SLC25A33: variants seen among roughly 807,000 people sequenced by gnomAD.
The protein encoded by SLC25A33 is solute carrier family 25 member 33, also known as bone marrow stromal cell mitochondrial carrier protein.
Under a neutral mutation model 35.5 loss-of-function variants are expected in SLC25A33, and 15 were observed. The ratio of observed to expected loss-of-function variants is 0.42; its 90% CI spans 0.28 to 0.65. The LOEUF (loss-of-function observed/expected upper bound fraction) is 0.65. Among genes scored for constraint, SLC25A33 ranks in the 30% least tolerant of loss-of-function variants. The probability of loss-of-function intolerance (pLI) is 0.20; values close to 1 mark genes in which losing one functional copy is unlikely to be tolerated. For synonymous variants in SLC25A33, 136 were observed against 148.7 expected (o/e 0.91, Z 0.62); for missense variants, 257 against 398.5 (o/e 0.64, Z 3.02).
At chr1:9,550,798 G>A (rs116173596) in intron 1 of SLC25A33, among the ~76,000 whole-genome samples, 3,122 of 151,814 alleles carry the variant, frequency 0.021, 103 homozygotes, top group African/African-American at 0.071. Context: ...TCAGCCTCTC[G>A]AGTATCGGGA....
chr1:9,579,623 C>G (rs1272633420), intron 5 of SLC25A33, among the ~76,000 whole-genome samples: 1 of 152,174 alleles, frequency 6.6e-6, no homozygotes, highest in Non-Finnish European at 1.5e-5. Context: ...CTCCCTGAAC[C>G]CTGTCCTCTT....
chr1:9,562,073 A>G (rs1471944347), intron 2 of SLC25A33, among the ~76,000 whole-genome samples: 2 of 148,806 alleles, frequency 1.3e-5, no homozygotes, highest in Admixed American at 1.4e-4. Context: ...AAGGGGCAAT[A>G]TTCGTGTTTC....
At chr1:9,567,391 G>C in intron 3 of SLC25A33, 30 bp downstream of exon 3, 1 of 1,597,620 alleles carries the variant, frequency 6.3e-7, no homozygotes. Flanking sequence ...GCTAGCTCAT[G>C]CTAAGCAGTA....
intron 2 of SLC25A33, among the ~76,000 whole-genome samples, chr1:9,564,558 T>C (rs1042234385): frequency 6.6e-6 from 1 of 151,568 alleles, no homozygotes; most frequent in Non-Finnish European, 1.5e-5. Context: ...AAATGTGGTA[T>C]ATACAGCAGT....
chr1:9,553,835 C>CT (rs1643303769), intron 2 of SLC25A33, 30 bp downstream of exon 2: 1 of 1,586,804 alleles, frequency 6.3e-7, no homozygotes. Context: ...CTCCTGCCAC[C>CT]TGCACACCCT....
At chr1:9,546,510 G>T (rs1643171702) in intron 1 of SLC25A33, among the ~76,000 whole-genome samples, 1 of 151,996 alleles carries the variant, frequency 6.6e-6, no homozygotes, top group South Asian at 2.1e-4. Flanking sequence ...CTGCACTTTG[G>T]CATCAGTGAC....
At chr1:9,569,131 G>C (rs998607861) in intron 3 of SLC25A33, among the ~76,000 whole-genome samples, 1 of 151,366 alleles carries the variant, frequency 6.6e-6, no homozygotes, top group African/African-American at 2.4e-5. Context: ...TGTAATCCCA[G>C]CTGCTCGGGA....
chr1:9,554,089 T>C (rs1437794923), intron 2 of SLC25A33, among the ~76,000 whole-genome samples: 1 of 152,216 alleles, frequency 6.6e-6, no homozygotes, highest in Non-Finnish European at 1.5e-5. Flanking sequence ...TTGCTCTTGC[T>C]CAAAGCTTTT....
At chr1:9,555,206 CT>C (rs1643323059) in intron 2 of SLC25A33, among the ~76,000 whole-genome samples, 1 of 149,812 alleles carries the variant, frequency 6.7e-6, no homozygotes, top group African/African-American at 2.5e-5. Flanking sequence ...CAAGCTCCGC[CT>C]CCTGGGTTCA....
intron 2 of SLC25A33, among the ~76,000 whole-genome samples, chr1:9,561,712 A>G (rs900854992): frequency 3.3e-5 from 5 of 152,122 alleles, no homozygotes; most frequent in Non-Finnish European, 4.4e-5. Context: ...GAGCGGCTTC[A>G]AGCTTCCTGG....
At chr1:9,572,364 C>G (rs1185585291) in intron 4 of SLC25A33, among the ~76,000 whole-genome samples, 12 of 152,132 alleles carry the variant, frequency 7.9e-5, no homozygotes, top group Admixed American at 7.2e-4. Flanking sequence ...GTAATCCCAG[C>G]ACTTTGGGAG....
intron 3 of SLC25A33, 51 bp downstream of exon 3, chr1:9,567,412 G>T: frequency 6.5e-7 from 1 of 1,533,292 alleles, no homozygotes; most frequent in Non-Finnish European, 8.9e-7. Context: ...TGGAATTCTG[G>T]GTCCTTTCTT....
At chr1:9,559,152 A>G (rs1643384986) in intron 2 of SLC25A33, among the ~76,000 whole-genome samples, 1 of 152,284 alleles carries the variant, frequency 6.6e-6, no homozygotes, top group South Asian at 2.1e-4. Flanking sequence ...AACTCTCCGC[A>G]ACACTCCAGC....
chr1:9,557,750 T>C (rs1030687649), intron 2 of SLC25A33, among the ~76,000 whole-genome samples: 2 of 152,214 alleles, frequency 1.3e-5, no homozygotes, highest in African/African-American at 2.4e-5. Context: ...CGTAATAAAA[T>C]GCAGGTGCTC....
At chr1:9,557,411 G>T (rs1211315096) in intron 2 of SLC25A33, among the ~76,000 whole-genome samples, 1 of 151,950 alleles carries the variant, frequency 6.6e-6, no homozygotes, top group Non-Finnish European at 1.5e-5. Context: ...TTAAAATTCT[G>T]GGCTGGGCAC....
rs539793515 is a variant in SLC25A33 at position 9,559,061 on chromosome 1, A to G, written c.236+5256A>G. On this transcript the variant is annotated intron_variant, in intron 2 of 6. Coordinates refer to ENST00000302692, the MANE Select transcript of SLC25A33 (RefSeq NM_032315.3). ...ACATTTCCCACCGCAGGGTGTTTGCAGTAGACATTGTCTGCACGGCTGACG... is the reference window on the plus strand; with the variant it reads ...ACATTTCCCACCGCAGGGTGTTTGCGGTAGACATTGTCTGCACGGCTGACG... Among the ~76,000 whole-genome samples the G allele has an allele frequency of 9.5e-4, 144 of 152,286 alleles. 1 individual carries two copies. Among genetic ancestry groups the G allele is most frequent in the Non-Finnish European group, 1.7e-3 (117 of 68,028 alleles).
intron 1 of SLC25A33, among the ~76,000 whole-genome samples, chr1:9,552,729 G>A (rs774620788): frequency 3.3e-5 from 5 of 152,006 alleles, no homozygotes; most frequent in Admixed American, 6.6e-5. Flanking sequence ...CTTATCAATC[G>A]ATAAGGCAGA....
intron 1 of SLC25A33, among the ~76,000 whole-genome samples, chr1:9,551,301 A>G (rs1201701866): frequency 1.3e-5 from 2 of 152,176 alleles, no homozygotes; most frequent in Non-Finnish European, 2.9e-5. Flanking sequence ...TGAATCCAGG[A>G]GGCAGAGGTT....
At position 9,564,739 on chromosome 1, in the gene SLC25A33, AATATAT is replaced by A. The variant is rs70979762; in HGVS notation, c.237-2523_237-2518del. On this transcript the variant is annotated intron_variant, in intron 2 of 6. Coordinates refer to ENST00000302692, the MANE Select transcript of SLC25A33 (RefSeq NM_032315.3). ...TCGTCTCTATTTAAAAAAAAAAAAAAATATATATATATATATATATATATATACACA... is the reference window on the plus strand; with the variant it reads ...TCGTCTCTATTTAAAAAAAAAAAAAAATATATATATATATATATATACACA... Among the ~76,000 whole-genome samples, 126 of 96,516 alleles carry A rather than the reference AATATAT, an allele frequency of 1.3e-3. 3 individuals are homozygous for A. The highest frequency in any genetic ancestry group is 4.8e-3 in the East Asian group (16 of 3,360). 63.3% of individuals were successfully genotyped at this position (96,516 alleles called of 152,430 possible). A position where few individuals can be genotyped will look rare whatever the true frequency, so the allele number is the denominator to read the frequency against.
Sources: gnomAD v4.1 joint callset for allele counts (sites outside exome capture counted in the v4.1 genomes callset) on GRCh38, gnomAD v4.1.1 for gene constraint, MANE v1.5 for transcripts, NCBI Gene and HGNC (gene_info 2026-07-23, HGNC 2026-07-21) for gene names.